Variants in ARHGAP6 observed in about 807,000 individuals in gnomAD.
The protein encoded by ARHGAP6 is Rho GTPase activating protein 6.
ARHGAP6 carries 16 observed loss-of-function variants against 55.7 expected under a neutral mutation model. The observed-to-expected ratio is 0.29, with a 90% CI of 0.19 to 0.44. The LOEUF (loss-of-function observed/expected upper bound fraction) is 0.44, where lower values mean the gene tolerates loss of function less well. Among genes scored for constraint, ARHGAP6 ranks in the 20% least tolerant of loss-of-function variants. The probability of loss-of-function intolerance (pLI) is 1.00; values close to 1 mark genes in which losing one functional copy is unlikely to be tolerated. For missense variants in ARHGAP6, 698 were observed against 808.9 expected (o/e 0.86, Z 1.66); for synonymous variants, 382 against 360.9 (o/e 1.06, Z -0.66).
chrX:11,357,684 G>A (rs2048949154), intron 1 of ARHGAP6, among the ~76,000 whole-genome samples: 1 of 111,263 alleles, frequency 9.0e-6, no homozygotes, highest in Non-Finnish European at 1.9e-5. Context: ...CTGCCTTTGT[G>A]AGAGATGACA....
intron 1 of ARHGAP6, among the ~76,000 whole-genome samples, chrX:11,602,244 T>A (rs899875320): frequency 8.9e-6 from 1 of 112,274 alleles, no homozygotes; most frequent in Non-Finnish European, 1.9e-5. Context: ...ATCAGTGAAA[T>A]GCTTTAAAGT....
At chrX:11,590,275 C>T (rs1029244162) in intron 1 of ARHGAP6, among the ~76,000 whole-genome samples, 1 of 111,385 alleles carries the variant, frequency 9.0e-6, no homozygotes, top group East Asian at 2.8e-4. Flanking sequence ...TTGTATCTCC[C>T]TTTTTTATCT....
chrX:11,291,453 C>A (rs1456817388), intron 1 of ARHGAP6, among the ~76,000 whole-genome samples: 1 of 110,886 alleles, frequency 9.0e-6, no homozygotes, highest in Non-Finnish European at 1.9e-5. Context: ...AGTATAAGAT[C>A]AATCTTTCTA....
chrX:11,397,629 AG>A (rs1452112921), intron 1 of ARHGAP6, among the ~76,000 whole-genome samples: 1 of 112,185 alleles, frequency 8.9e-6, no homozygotes. Flanking sequence ...CTGTTTTCCT[AG>A]AACTTTGGGA....
chrX:11,153,152 G>T (rs1410490179), intron 10 of ARHGAP6, among the ~76,000 whole-genome samples: 1 of 111,789 alleles, frequency 8.9e-6, no homozygotes, highest in African/African-American at 3.3e-5. Context: ...TAGAAATTCA[G>T]ATTCATAGAC....
intron 1 of ARHGAP6, among the ~76,000 whole-genome samples, chrX:11,263,841 T>A (rs779594962): frequency 2.4e-4 from 27 of 112,131 alleles, no homozygotes; most frequent in Non-Finnish European, 4.7e-4. Flanking sequence ...TGCCCCATTT[T>A]CCTCATCTAT....
intron 1 of ARHGAP6, among the ~76,000 whole-genome samples, chrX:11,570,505 TAC>T (rs1283691608): frequency 9.0e-6 from 1 of 110,796 alleles, no homozygotes; most frequent in Non-Finnish European, 1.9e-5. Context: ...ATTGAGTGCT[TAC>T]AGTGTCCTAG....
intron 1 of ARHGAP6, among the ~76,000 whole-genome samples, chrX:11,395,377 T>G (rs2049464140): frequency 8.9e-6 from 1 of 112,427 alleles, no homozygotes; most frequent in Admixed American, 9.4e-5. Context: ...AAAATATTCA[T>G]CAAAAAACAA....
chrX:11,578,140 G>A (rs909818811), intron 1 of ARHGAP6, among the ~76,000 whole-genome samples: 1 of 111,852 alleles, frequency 8.9e-6, no homozygotes, highest in African/African-American at 3.2e-5. Context: ...TGGAAAAGAT[G>A]TAAAGGCAGC....
intron 2 of ARHGAP6, among the ~76,000 whole-genome samples, chrX:11,214,257 GCACACA>G (rs35340720): frequency 1.2e-4 from 12 of 100,972 alleles, no homozygotes; most frequent in East Asian, 3.2e-4. Context: ...CTTTGCTTAA[GCACACA>G]CACACACACA....
chrX:11,279,038 G>C (rs2047816456), intron 1 of ARHGAP6, among the ~76,000 whole-genome samples: 1 of 111,301 alleles, frequency 9.0e-6, no homozygotes. Flanking sequence ...GTCCCGTCCA[G>C]GATGCCACTC....
intron 1 of ARHGAP6, among the ~76,000 whole-genome samples, chrX:11,405,119 G>A (rs1049153587): frequency 2.7e-5 from 3 of 111,706 alleles, no homozygotes; most frequent in African/African-American, 9.8e-5. Context: ...AAACGTTAGA[G>A]CAGTTCCTGA....
At chrX:11,386,613 A>G (rs927363682) in intron 1 of ARHGAP6, among the ~76,000 whole-genome samples, 4 of 112,036 alleles carry the variant, frequency 3.6e-5, no homozygotes, top group African/African-American at 1.3e-4. Context: ...AAACAGGGCC[A>G]TAAGAACATA....
chrX:11,314,031 C>T (rs1316699515), intron 1 of ARHGAP6, among the ~76,000 whole-genome samples: 1 of 112,246 alleles, frequency 8.9e-6, no homozygotes, highest in African/African-American at 3.2e-5. Context: ...AGTAATTCAT[C>T]GGATTCTCGT....
chrX:11,338,903 C>G (rs1373546764), intron 1 of ARHGAP6, among the ~76,000 whole-genome samples: 2 of 111,893 alleles, frequency 1.8e-5, no homozygotes, highest in East Asian at 5.6e-4. Context: ...CTCTCTTTTT[C>G]CTTCACTAGC....
chrX:11,422,637 T>C (rs1473524478), intron 1 of ARHGAP6, among the ~76,000 whole-genome samples: 1 of 112,303 alleles, frequency 8.9e-6, no homozygotes, highest in Non-Finnish European at 1.9e-5. Flanking sequence ...AAGAACCCAA[T>C]GAAGACTTTG....
chrX:11,630,839 C>G (rs1257241410), intron 1 of ARHGAP6, among the ~76,000 whole-genome samples: 1 of 111,947 alleles, frequency 8.9e-6, no homozygotes, highest in Non-Finnish European at 1.9e-5. Context: ...CCTGAAGCGA[C>G]CTTTGATTAA....
At chrX:11,314,039 C>T (rs1484460866) in intron 1 of ARHGAP6, among the ~76,000 whole-genome samples, 1 of 112,255 alleles carries the variant, frequency 8.9e-6, no homozygotes, top group Non-Finnish European at 1.9e-5. Context: ...ATCGGATTCT[C>T]GTTTGGCTGT....
chrX:11,167,560 G>T (rs1473059317), intron 9 of ARHGAP6, among the ~76,000 whole-genome samples: 1 of 111,994 alleles, frequency 8.9e-6, no homozygotes, highest in Non-Finnish European at 1.9e-5. Context: ...GCAGGAAATG[G>T]AAAGAAGAGG....
Sources: allele counts gnomAD v4.1 joint callset (sites outside exome capture counted in the v4.1 genomes callset), GRCh38; gene constraint gnomAD v4.1.1; transcripts MANE v1.5; gene names NCBI Gene and HGNC (gene_info 2026-07-23, HGNC 2026-07-21).